The following RPRD1A variants were observed in gnomAD, a reference collection of about 807,000 sequenced individuals.
The protein encoded by RPRD1A is regulation of nuclear pre-mRNA domain containing 1A.
Under a neutral mutation model 37.8 loss-of-function variants are expected in RPRD1A, and 9 were observed. The ratio of observed to expected loss-of-function variants is 0.24; its 90% CI spans 0.14 to 0.42. The LOEUF (loss-of-function observed/expected upper bound fraction) is 0.42, where lower values mean the gene tolerates loss of function less well. RPRD1A is among the 10% of genes least tolerant of loss of function. The probability of loss-of-function intolerance (pLI) is 1.00; values close to 1 mark genes in which losing one functional copy is unlikely to be tolerated. For synonymous variants in RPRD1A, 138 were observed against 139.7 expected, an observed-to-expected ratio of 0.99 and a Z score of 0.08; for missense variants, 255 against 371.0, an observed-to-expected ratio of 0.69 and a Z score of 2.57.
chr18:36,057,492 A>G (rs1568152511), intron 1 of RPRD1A, among the ~76,000 whole-genome samples: 1 of 152,162 alleles, frequency 6.6e-6, no homozygotes, highest in Non-Finnish European at 1.5e-5. Flanking sequence ...GTGCACCTAT[A>G]GTCCCAGTAC....
intron 6 of RPRD1A, among the ~76,000 whole-genome samples, chr18:36,006,411 GGCTCAA>G (rs1909752790): frequency 1.3e-5 from 2 of 152,164 alleles, no homozygotes; most frequent in Non-Finnish European, 2.9e-5. Flanking sequence ...CAAACTCGTG[GGCTCAA>G]GCTATCCTCC....
At chr18:36,060,732 T>C (rs1433295580) in intron 1 of RPRD1A, among the ~76,000 whole-genome samples, 1 of 152,206 alleles carries the variant, frequency 6.6e-6, no homozygotes, top group African/African-American at 2.4e-5. Context: ...CCCTGAAAGA[T>C]ATCTAACATA....
At chr18:36,019,102 A>ATTTTTTT (rs946306446) in intron 6 of RPRD1A, among the ~76,000 whole-genome samples, 2 of 118,546 alleles carry the variant, frequency 1.7e-5, no homozygotes, top group East Asian at 4.8e-4. Context: ...GGGACCATTG[A>ATTTTTTT]TTTTTTTTTT....
chr18:36,006,553 G>C (rs1489361508), intron 6 of RPRD1A, among the ~76,000 whole-genome samples: 2 of 152,166 alleles, frequency 1.3e-5, no homozygotes, highest in South Asian at 2.1e-4. Flanking sequence ...GCAGTGTATA[G>C]AAATGTTTTA....
intron 1 of RPRD1A, chr18:36,064,414 AGGTGGGGACTT>A (rs1296662363): frequency 1.3e-5 from 2 of 152,432 alleles, no homozygotes; most frequent in Admixed American, 6.5e-5. Context: ...CTTCTGGGTC[AGGTGGGGACTT>A]GGAAAACTTT....
intron 2 of RPRD1A, 71 bp downstream of exon 2, chr18:36,033,637 G>T: frequency 7.4e-7 from 1 of 1,353,096 alleles, no homozygotes; most frequent in Non-Finnish European, 9.9e-7. Flanking sequence ...AATAGTTTAA[G>T]GCAAATTTTA....
intron 1 of RPRD1A, among the ~76,000 whole-genome samples, chr18:36,043,697 A>C (rs1912759836): frequency 6.6e-6 from 1 of 151,824 alleles, no homozygotes; most frequent in South Asian, 2.1e-4. Context: ...TTTACAAATA[A>C]ATTGAAAGAA....
rs1297125787 is a variant in RPRD1A at position 36,028,379 on chromosome 18, G to GT, written c.487-1070dup. On this transcript the variant is annotated intron_variant, in intron 4 of 6. Transcript: ENST00000399022. ...CAGTATTTTAAAAAATAATTTTGTT[G>GT]TAAGATATATCCCCTCTACAATTAA... 2.0e-5 allele frequency among the ~76,000 whole-genome samples: 3 copies of GT among 152,228 alleles called. No homozygotes were observed. The East Asian group carries it at 5.8e-4, about 29-fold the overall frequency.
intron 2 of RPRD1A, among the ~76,000 whole-genome samples, chr18:36,031,364 AGGGATTTCCTATCCTAAT>A (rs1455132593): frequency 1.3e-5 from 2 of 152,196 alleles, no homozygotes; most frequent in Non-Finnish European, 2.9e-5. Context: ...ACTGGCTGCT[AGGGATTTCCTATCCTAAT>A]GGGGCCTGGA....
intron 4 of RPRD1A, among the ~76,000 whole-genome samples, chr18:36,030,441 C>A (rs1405066117): frequency 5.3e-5 from 8 of 151,742 alleles, no homozygotes; most frequent in Non-Finnish European, 7.4e-5. Flanking sequence ...CAAGATAGTG[C>A]CACTGAACTC....
intron 1 of RPRD1A, among the ~76,000 whole-genome samples, chr18:36,056,633 ATAAG>A (rs571853721): frequency 1.3e-5 from 2 of 152,142 alleles, no homozygotes; most frequent in South Asian, 4.1e-4. Flanking sequence ...TACCTACTAA[ATAAG>A]TATTTTTAGA....
At chr18:36,040,747 T>C (rs1912522778) in intron 1 of RPRD1A, 1 of 1,054,780 alleles carries the variant, frequency 9.5e-7, no homozygotes, top group Non-Finnish European at 1.3e-6. Context: ...TCCCTAAAAA[T>C]TTCTAAGCTT....
intron 1 of RPRD1A, among the ~76,000 whole-genome samples, chr18:36,041,866 T>C (rs531594719): frequency 6.6e-6 from 1 of 152,310 alleles, no homozygotes; most frequent in Admixed American, 6.5e-5. Flanking sequence ...TGGCTGCTTC[T>C]CCACAGCAGA....
intron 1 of RPRD1A, chr18:36,040,717 T>A: frequency 1.4e-6 from 1 of 694,712 alleles, no homozygotes; most frequent in Non-Finnish European, 2.3e-6. Context: ...ATGCAGTACC[T>A]CCTTACCCAC....
intron 6 of RPRD1A, among the ~76,000 whole-genome samples, chr18:36,000,075 C>G (rs1370806575): frequency 6.6e-6 from 1 of 151,970 alleles, no homozygotes; most frequent in Non-Finnish European, 1.5e-5. Flanking sequence ...TTAATAAGGC[C>G]AAGACATTCC....
chr18:36,064,344 C>G (rs1024779684), intron 1 of RPRD1A: 1 of 152,370 alleles, frequency 6.6e-6, no homozygotes, highest in Non-Finnish European at 1.5e-5. Flanking sequence ...TGCTAGAGTG[C>G]CCAAGCTAGG....
At chr18:36,019,591 CTTAA>C (rs1235917314) in intron 6 of RPRD1A, among the ~76,000 whole-genome samples, 10 of 152,302 alleles carry the variant, frequency 6.6e-5, no homozygotes, top group South Asian at 4.1e-4. Flanking sequence ...TACAGTTCTA[CTTAA>C]TTAAGACATA....
At chr18:36,031,156 T>C (rs1368449654) in intron 2 of RPRD1A, 59 bp from the exon 3 acceptor site, 19 of 1,445,706 alleles carry the variant, frequency 1.3e-5, no homozygotes, top group Non-Finnish European at 1.6e-5. Flanking sequence ...CATAGTGTTA[T>C]TGAAAAGGTT....
At chr18:35,994,540 G>C (rs1365460860) in intron 6 of RPRD1A, among the ~76,000 whole-genome samples, 1 of 152,234 alleles carries the variant, frequency 6.6e-6, no homozygotes. Flanking sequence ...TTCATAAGCA[G>C]GTGGATATCG....
Sources: gnomAD v4.1 joint callset for allele counts (sites outside exome capture counted in the v4.1 genomes callset) on GRCh38, gnomAD v4.1.1 for gene constraint, MANE v1.5 for transcripts, NCBI Gene and HGNC (gene_info 2026-07-23, HGNC 2026-07-21) for gene names.